MPPED2: variants seen among roughly 807,000 people sequenced by gnomAD.
MPPED2 encodes metallophosphoesterase domain containing 2, also known as metallophosphoesterase MPPED2.
A neutral mutation model predicts 33.0 loss-of-function variants in MPPED2; 5 were observed. That is an observed-to-expected ratio of 0.15 (90% CI 0.08 to 0.32). The LOEUF (loss-of-function observed/expected upper bound fraction) is 0.32, where lower values mean the gene tolerates loss of function less well. Among genes scored for constraint, MPPED2 ranks in the 10% least tolerant of loss-of-function variants. MPPED2 has a pLI of 1.00. For synonymous variants in MPPED2, 136 were observed against 141.9 expected (o/e 0.96, Z 0.29); for missense variants, 275 against 372.1 (o/e 0.74, Z 2.15).
chr11:30,467,793 G>A (rs983278230), intron 4 of MPPED2, among the ~76,000 whole-genome samples: 2 of 152,164 alleles, frequency 1.3e-5, no homozygotes, highest in African/African-American at 2.4e-5. Context: ...TTAAAAACTC[G>A]AGTTGCTGGT....
rs1422821242 is a variant in MPPED2, at chr11:30,410,852, A to G, written c.*616T>C. 1.0e-6 allele frequency: 1 copy of G among 985,674 alleles called. No individual in the cohort carries two copies. Among genetic ancestry groups the G allele is most frequent in the Admixed American group, 6.1e-5 (1 of 16,262 alleles). The allele number at this position is 985,674 out of a possible 1,614,324, so 61.1% of individuals were successfully genotyped here. ...AAACAAACAAACAATGAGACCTTGT[A>G]TAACCACAATAGGAATCTCACTAGT... On this transcript the variant is annotated 3_prime_UTR_variant, in exon 7 of 7. Coordinates refer to ENST00000358117, the MANE Select transcript of MPPED2 (RefSeq NM_001584.3).
chr11:30,400,862 G>GCAATCTTCAATCTT (rs762508778), intron 6 of MPPED2, among the ~76,000 whole-genome samples: 1 of 151,800 alleles, frequency 6.6e-6, no homozygotes, highest in Non-Finnish European at 1.5e-5. Context: ...CCAGGCTCAA[G>GCAATCTTCAATCTT]CAATCTTCAA....
chr11:30,393,990 T>C (rs1305355143), intron 6 of MPPED2, among the ~76,000 whole-genome samples: 1 of 152,172 alleles, frequency 6.6e-6, no homozygotes, highest in Non-Finnish European at 1.5e-5. Context: ...CTGATCAGTA[T>C]AGTTTTGTTT....
At chr11:30,478,666 G>A (rs912379196) in intron 4 of MPPED2, among the ~76,000 whole-genome samples, 5 of 152,074 alleles carry the variant, frequency 3.3e-5, no homozygotes, top group Non-Finnish European at 4.4e-5. Flanking sequence ...CTCCTGAAAA[G>A]GCTCTAAACC....
chr11:30,529,439 A>G (rs1387992837), intron 3 of MPPED2, among the ~76,000 whole-genome samples: 3 of 152,198 alleles, frequency 2.0e-5, no homozygotes, highest in Non-Finnish European at 4.4e-5. Context: ...AGTGATGTGA[A>G]AAGTGGTTCA....
intron 4 of MPPED2, among the ~76,000 whole-genome samples, chr11:30,485,533 A>C (rs773586707): frequency 1.4e-5 from 2 of 139,782 alleles, no homozygotes; most frequent in African/African-American, 5.3e-5. Context: ...GCCTGTTTCT[A>C]AGGCCAAACC....
intron 4 of MPPED2, among the ~76,000 whole-genome samples, chr11:30,436,911 T>A (rs926980097): frequency 6.6e-6 from 1 of 152,160 alleles, no homozygotes; most frequent in Admixed American, 6.5e-5. Context: ...TAGAGATAAA[T>A]AAAGACATCA....
intron 2 of MPPED2, among the ~76,000 whole-genome samples, chr11:30,543,268 G>T (rs568577731): frequency 6.6e-6 from 1 of 152,312 alleles, no homozygotes; most frequent in African/African-American, 2.4e-5. Flanking sequence ...TCTTCAGAGG[G>T]ACTAGTTCAG....
At chr11:30,525,297 A>G (rs1038378135) in intron 3 of MPPED2, among the ~76,000 whole-genome samples, 1 of 152,234 alleles carries the variant, frequency 6.6e-6, no homozygotes, top group Non-Finnish European at 1.5e-5. Flanking sequence ...AAGTCTCTTC[A>G]TGTGCTAGGA....
At chr11:30,483,537 C>G (rs1312164058) in intron 4 of MPPED2, among the ~76,000 whole-genome samples, 2 of 152,142 alleles carry the variant, frequency 1.3e-5, no homozygotes, top group African/African-American at 4.8e-5. Context: ...CCTATTCCAA[C>G]TAGTTAGTTT....
intron 5 of MPPED2, among the ~76,000 whole-genome samples, chr11:30,415,474 A>C (rs1417442173): frequency 6.6e-6 from 1 of 152,220 alleles, no homozygotes; most frequent in Non-Finnish European, 1.5e-5. Flanking sequence ...ATAACAGTGA[A>C]GTCTCACGGC....
At chr11:30,507,834 G>A (rs1952926609) in intron 3 of MPPED2, among the ~76,000 whole-genome samples, 1 of 152,234 alleles carries the variant, frequency 6.6e-6, no homozygotes, top group African/African-American at 2.4e-5. Context: ...TATCCCACAA[G>A]CCTCCCGCTG....
chr11:30,413,142 C>T (rs1430973588), intron 6 of MPPED2, among the ~76,000 whole-genome samples: 1 of 152,228 alleles, frequency 6.6e-6, no homozygotes, highest in Non-Finnish European at 1.5e-5. Context: ...TGAATTTTCT[C>T]TGGCCTCAGT....
chr11:30,498,569 G>A (rs1952406990), intron 3 of MPPED2, among the ~76,000 whole-genome samples: 2 of 149,362 alleles, frequency 1.3e-5, no homozygotes, highest in Non-Finnish European at 3.0e-5. Context: ...AAAAAAGAAC[G>A]CTACCAACCA....
intron 2 of MPPED2, 47 bp from the exon 3 acceptor site, chr11:30,536,222 C>A: frequency 7.0e-7 from 1 of 1,433,630 alleles, no homozygotes; most frequent in Non-Finnish European, 9.2e-7. Flanking sequence ...ATATTAGAAC[C>A]CTTGAAATTG....
chr11:30,403,252 AAAAAAAAAG>A (rs900386380), intron 6 of MPPED2, among the ~76,000 whole-genome samples: 3 of 151,964 alleles, frequency 2.0e-5, no homozygotes, highest in African/African-American at 7.2e-5. Context: ...GTCTCAAAAA[AAAAAAAAAG>A]AAAAGAAAAC....
intron 2 of MPPED2, among the ~76,000 whole-genome samples, chr11:30,579,399 T>G (rs1192690104): frequency 6.6e-6 from 1 of 152,142 alleles, no homozygotes; most frequent in Non-Finnish European, 1.5e-5. Flanking sequence ...AAGACTCATG[T>G]TAGACATTGG....
chr11:30,403,812 TC>T (rs1019144834), intron 6 of MPPED2, among the ~76,000 whole-genome samples: 5 of 152,216 alleles, frequency 3.3e-5, no homozygotes, highest in Admixed American at 6.5e-5. Flanking sequence ...CCATTTCTGA[TC>T]TACTACTATG....
intron 3 of MPPED2, among the ~76,000 whole-genome samples, chr11:30,499,815 C>T (rs1395538562): frequency 6.6e-6 from 1 of 152,308 alleles, no homozygotes; most frequent in East Asian, 1.9e-4. Flanking sequence ...TCAGATGTGT[C>T]ATGCTTAGCC....
Sources: gnomAD v4.1 joint callset for allele counts (sites outside exome capture counted in the v4.1 genomes callset) on GRCh38, gnomAD v4.1.1 for gene constraint, MANE v1.5 for transcripts, NCBI Gene and HGNC (gene_info 2026-07-23, HGNC 2026-07-21) for gene names.